Variants in KAZALD1 observed in about 807,000 individuals in gnomAD.
The protein encoded by KAZALD1 is Kazal type serine peptidase inhibitor domain 1, also known as kazal-type serine protease inhibitor domain-containing protein 1.
A neutral mutation model predicts 27.7 loss-of-function variants in KAZALD1; 31 were observed. That is an observed-to-expected ratio of 1.12 (90% confidence interval 0.84 to 1.51). KAZALD1 has a LOEUF of 1.51. KAZALD1 is among the 40% of genes most tolerant of loss of function. The pLI is 0.00. For missense variants in KAZALD1, 444 were observed against 408.9 expected, an observed-to-expected ratio of 1.09 and a Z score of -0.74; for synonymous variants, 179 against 182.0, an observed-to-expected ratio of 0.98 and a Z score of 0.13.
At position 101,065,121 on chromosome 10, in the gene KAZALD1, G is replaced by T; in HGVS notation, c.*201G>T. On this transcript the variant is annotated 3_prime_UTR_variant, in exon 5 of 5. Coordinates refer to ENST00000370200, the MANE Select transcript of KAZALD1 (RefSeq NM_030929.5). ...AAGCTGGAGGAGGGTAGGGAGAGAAGCTGAGACCAGGACCGGTGGGGTACA... is the reference window on the plus strand; with the variant it reads ...AAGCTGGAGGAGGGTAGGGAGAGAATCTGAGACCAGGACCGGTGGGGTACA... 1.7e-6 allele frequency: 1 copy of T among 577,050 alleles called. No individual in the cohort carries two copies. The highest frequency in any genetic ancestry group is 3.1e-6 in the Non-Finnish European group (1 of 322,758). 35.7% of individuals were successfully genotyped at this position (577,050 alleles called of 1,614,324 possible).
intron 2 of KAZALD1, 138 bp from the exon 3 acceptor site, chr10:101,064,123 T>A (rs914116495): frequency 1.2e-6 from 1 of 814,132 alleles, no homozygotes; most frequent in Admixed American, 2.2e-5. Context: ...CACGGTGTGT[T>A]TATGGATGTG....
At chr10:101,063,363 C>G (rs920826241) in intron 2 of KAZALD1, among the ~76,000 whole-genome samples, 3 of 152,170 alleles carry the variant, frequency 2.0e-5, no homozygotes, top group Non-Finnish European at 2.9e-5. Flanking sequence ...AGCTCCAGAG[C>G]TGGCTGGCAG....
Position 101,062,574 on chromosome 10 carries a change from G to T in KAZALD1, c.-19G>T, listed in dbSNP as rs185804043. The T allele has an allele frequency of 2.7e-5, 42 of 1,580,364 alleles. 1 individual carries two copies. The highest frequency in any genetic ancestry group is 2.3e-4 in the Middle Eastern group (1 of 4,366). The stretch of plus-strand genomic sequence containing the variant: ...GAACGCGCTGATGCCCCGAGTGCTC[G>T]CAGGGCTTCCCGCTAACCATGCTGC... On this transcript the variant is annotated 5_prime_UTR_variant, in exon 2 of 5. Coordinates refer to ENST00000370200, the MANE Select transcript of KAZALD1 (RefSeq NM_030929.5).
rs746320898 is a variant in KAZALD1 at position 101,066,487 on chromosome 10, G to A, written c.*1567G>A. 6.6e-6 allele frequency: 3 copies of A among 456,638 alleles called. No individual in the cohort carries two copies. The highest frequency in any genetic ancestry group is 4.6e-5 in the South Asian group (3 of 64,556). The allele number at this position is 456,638 out of a possible 1,614,324, so 28.3% of individuals were successfully genotyped here. On this transcript the variant is annotated 3_prime_UTR_variant, in exon 5 of 5. Coordinates refer to ENST00000370200, the MANE Select transcript of KAZALD1 (RefSeq NM_030929.5). The stretch of plus-strand genomic sequence containing the variant: ...GCGGCCCTAGGAGCCGCGCACAACA[G>A]CGCAAGCGGGCTGGATACCGGGAGC...
chr10:101,065,337 G>A lies in KAZALD1; in HGVS notation c.*417G>A, dbSNP rs541571557. 6 of 181,208 alleles carry A rather than the reference G, an allele frequency of 3.3e-5. No homozygotes were observed. The highest frequency in any genetic ancestry group is 2.4e-3 in the Middle Eastern group (1 of 410). 11.2% of individuals were successfully genotyped at this position (181,208 alleles called of 1,614,324 possible). A position where few individuals can be genotyped will look rare whatever the true frequency, so the allele number is the denominator to read the frequency against. On this transcript the variant is annotated 3_prime_UTR_variant, in exon 5 of 5. Transcript: ENST00000370200. ...TTCTTGCTATTTCCTGGTCCCCAAC[G>A]TTTATCTAGCTTGTTTGCCCTTTCC... is the stretch of plus-strand genomic sequence containing the variant.
Position 101,064,434 on chromosome 10 carries a change from G to A in KAZALD1, c.672+13G>A, listed in dbSNP as rs760723192. On this transcript the variant is annotated intron_variant, in intron 3 of 4. Transcript: ENST00000370200. The stretch of plus-strand genomic sequence containing the variant: ...CATCTCTGTGCAGGTAGACTGGTGG[G>A]AGAGGCTTCCCTCAGGCAGCCCAGG... 13 of 1,614,064 alleles carry A rather than the reference G, an allele frequency of 8.1e-6. No homozygotes were observed. In the Admixed American group the frequency reaches 1.3e-4, roughly 17 times the overall value.
chr10:101,062,628 G>A lies in KAZALD1; in HGVS notation c.36G>A (p.Ala12=). Residue 12 remains alanine, a synonymous_variant, in exon 2 of 5, where the codon GCG becomes GCA. Coordinates refer to ENST00000370200, the MANE Select transcript of KAZALD1 (RefSeq NM_030929.5). ...LPPPRPAAAL[A]LPVLLLLLVV... ...CGCCGCGGCCCGCAGCTGCCTTGGC[G>A]CTGCCTGTGCTCCTGCTACTGCTGG... The A allele has an allele frequency of 1.3e-6, 2 of 1,576,122 alleles. No homozygotes were observed. Among genetic ancestry groups the A allele is most frequent in the Non-Finnish European group, 1.7e-6 (2 of 1,170,014 alleles).
chr10:101,066,542 C>A lies in KAZALD1; in HGVS notation c.*1622C>A. On this transcript the variant is annotated 3_prime_UTR_variant, in exon 5 of 5. Transcript: ENST00000370200. ...TCCAGGGCGCCCACAGAAGCAGAATCAGAGGGGTAGGCGGGGGTGGGGCGT... is the reference window on the plus strand; with the variant it reads ...TCCAGGGCGCCCACAGAAGCAGAATAAGAGGGGTAGGCGGGGGTGGGGCGT... The A allele has an allele frequency of 6.9e-6, 3 of 437,446 alleles. No homozygotes were observed. The highest frequency in any genetic ancestry group is 2.4e-5 in the Admixed American group (1 of 41,882). The allele number at this position is 437,446 out of a possible 1,614,324, so 27.1% of individuals were successfully genotyped here. A position where few individuals can be genotyped will look rare whatever the true frequency, so the allele number is the denominator to read the frequency against.
At position 101,062,716 on chromosome 10, in the gene KAZALD1, G is replaced by C. The variant is rs769663507; in HGVS notation, c.124G>C (p.Gly42Arg). Residue 42 changes from glycine to arginine, a missense_variant, in exon 2 of 5, where the codon GGC becomes CGC. By Grantham distance (125) the Gly-to-Arg change is moderately radical (BLOSUM62 -2). Coordinates refer to ENST00000370200, the MANE Select transcript of KAZALD1 (RefSeq NM_030929.5). ...PSPGPDYLRRGWMRLLAEGEG... is the reference protein window; with the variant it reads ...PSPGPDYLRRRWMRLLAEGEG... ...CCCAGGCCCAGATTACCTGCGGCGC[G>C]GCTGGATGCGGCTGCTAGCGGAGGG... The C allele has an allele frequency of 1.2e-5, 19 of 1,533,408 alleles. No homozygotes were observed. The highest frequency in any genetic ancestry group is 1.7e-5 in the Non-Finnish European group (19 of 1,148,470). The allele number at this position is 1,533,408 out of a possible 1,614,324, so 95.0% of individuals were successfully genotyped here. A position where few individuals can be genotyped will look rare whatever the true frequency, so the allele number is the denominator to read the frequency against.
chr10:101,064,241 C>A lies in KAZALD1; in HGVS notation c.512-20C>A. 1 of 1,613,744 alleles carries A rather than the reference C, an allele frequency of 6.2e-7. No individual in the cohort carries two copies. On this transcript the variant is annotated intron_variant, in intron 2 of 4. Transcript: ENST00000370200. Reference sequence around the variant, plus strand: ...TTTGCTGGGCCATGCTATTCTCAGACCTCCCGCCTTCACCCCCAGGGCCCC... The same window carrying A: ...TTTGCTGGGCCATGCTATTCTCAGAACTCCCGCCTTCACCCCCAGGGCCCC...
rs771507050 is a variant in KAZALD1 at position 101,063,065 on chromosome 10, C to A, written c.473C>A (p.Ala158Asp). ...GAGGCGGCCCGCGCTCGGCCCGATG[C>A]CAACCTCACTGTGGCACACCCGGGG... The part of the protein sequence containing the change: ...LQEAARARPD[A>D]NLTVAHPGPC... Residue 158 changes from alanine to aspartate, a missense_variant, in exon 2 of 5, where the codon GCC (alanine) becomes GAC (aspartate). Physicochemically the swap from Ala to Asp is moderately radical, Grantham distance 126 (BLOSUM62 -2). Transcript: ENST00000370200. 4 of 1,577,686 alleles carry A rather than the reference C, an allele frequency of 2.5e-6. No individual in the cohort carries two copies. Among genetic ancestry groups the A allele is most frequent in the African/African-American group, 1.4e-5 (1 of 73,934 alleles).
intron 2 of KAZALD1, among the ~76,000 whole-genome samples, chr10:101,063,437 CTT>C (rs974432105): frequency 5.3e-5 from 8 of 152,214 alleles, no homozygotes; most frequent in African/African-American, 1.9e-4. Flanking sequence ...ACCCCCCCGA[CTT>C]TTCCCAGACC....
At chr10:101,063,577 G>C (rs557607387) in intron 2 of KAZALD1, among the ~76,000 whole-genome samples, 1 of 152,200 alleles carries the variant, frequency 6.6e-6, no homozygotes, top group Non-Finnish European at 1.5e-5. Context: ...GAAGGGGAGC[G>C]GGAAGTTCTT....
Position 101,062,561 on chromosome 10 carries a change from G to T in KAZALD1, c.-32G>T. On this transcript the variant is annotated 5_prime_UTR_variant, in exon 2 of 5. An upstream start codon of the reference 5' UTR is lost. Coordinates refer to ENST00000370200, the MANE Select transcript of KAZALD1 (RefSeq NM_030929.5). ...TGGCAGGGTGCCCGAACGCGCTGAT[G>T]CCCCGAGTGCTCGCAGGGCTTCCCG... is the stretch of plus-strand genomic sequence containing the variant. 5 of 1,573,370 alleles carry T rather than the reference G, an allele frequency of 3.2e-6. No individual in the cohort carries two copies. The highest frequency in any genetic ancestry group is 4.3e-6 in the Non-Finnish European group (5 of 1,169,620).
chr10:101,062,977 C>A lies in KAZALD1; in HGVS notation c.385C>A (p.Arg129Ser). The change falls in exon 2 of 5, where the codon CGT becomes AGT. Residue 129 changes from arginine to serine, a missense_variant. Arg to Ser is a moderately radical substitution (Grantham distance 110, BLOSUM62 -1). Coordinates refer to ENST00000370200, the MANE Select transcript of KAZALD1 (RefSeq NM_030929.5). Reference sequence around the variant, plus strand: ...GGTGCCGGAACCTCTGTGTGCCTGTCGTTCGCAGAGTCCGCTCTGCGGGTC... The same window carrying A: ...GGTGCCGGAACCTCTGTGTGCCTGTAGTTCGCAGAGTCCGCTCTGCGGGTC... The part of the protein sequence containing the change: ...GEVPEPLCAC[R>S]SQSPLCGSDG... The A allele has an allele frequency of 6.2e-7, 1 of 1,601,450 alleles. No homozygotes were observed. Among genetic ancestry groups the A allele is most frequent in the Non-Finnish European group, 8.5e-7 (1 of 1,179,340 alleles).
In KAZALD1 at chr10:101,066,549, G is replaced by A. The variant is rs1006033060; in HGVS notation, c.*1629G>A. On this transcript the variant is annotated 3_prime_UTR_variant, in exon 5 of 5. Transcript: ENST00000370200. The stretch of plus-strand genomic sequence containing the variant: ...CGCCCACAGAAGCAGAATCAGAGGG[G>A]TAGGCGGGGGTGGGGCGTGCTGTTC... 18 of 444,944 alleles carry A rather than the reference G, an allele frequency of 4.0e-5. No individual in the cohort carries two copies. Among genetic ancestry groups the A allele is most frequent in the Admixed American group, 4.0e-4 (17 of 42,094 alleles). The allele number at this position is 444,944 out of a possible 1,614,324, so 27.6% of individuals were successfully genotyped here. A position where few individuals can be genotyped will look rare whatever the true frequency, so the allele number is the denominator to read the frequency against.
In KAZALD1 at chr10:101,066,201, GACA is replaced by G; in HGVS notation, c.*1282_*1284del. 8.8e-6 allele frequency: 3 copies of G among 341,508 alleles called. No individual in the cohort carries two copies. Among genetic ancestry groups the G allele is most frequent in the Admixed American group, 3.9e-5 (1 of 25,666 alleles). The allele number at this position is 341,508 out of a possible 1,614,324, so 21.2% of individuals were successfully genotyped here. ...GGCCGAGGCGCTGTGTGTAGATGGC[GACA>G]GCCTCCTACACGCCAGGGCTCCACC... On this transcript the variant is annotated 3_prime_UTR_variant, in exon 5 of 5. Transcript: ENST00000370200.
At chr10:101,062,250 T>G in intron 1 of KAZALD1, 135 bp downstream of exon 1, 1 of 311,848 alleles carries the variant, frequency 3.2e-6, no homozygotes. Context: ...GGGATCGGAG[T>G]CGGGTGGTGC....
chr10:101,064,514 C>T lies in KAZALD1; in HGVS notation c.686C>T (p.Pro229Leu). 6.2e-7 allele frequency: 1 copy of T among 1,614,138 alleles called. No homozygotes were observed. Reference protein sequence around the residue: ...PHISVQFRGGPQRFEVTGWLQ... With the variant: ...PHISVQFRGGLQRFEVTGWLQ... ...GCCTGGCTCCAGTTTAGGGGTGGAC[C>T]CCAGAGGTTTGAGGTGACTGGCTGG... Residue 229 changes from proline (P) to leucine (L), a missense_variant, in exon 4 of 5, where the codon CCC becomes CTC. Pro to Leu is a moderately conservative substitution (Grantham distance 98). Transcript: ENST00000370200.
Sources: gnomAD v4.1 joint callset for allele counts (sites outside exome capture counted in the v4.1 genomes callset) on GRCh38, gnomAD v4.1.1 for gene constraint, MANE v1.5 for transcripts, NCBI Gene and HGNC (gene_info 2026-07-23, HGNC 2026-07-21) for gene names.